Variants in CACNA1B observed in about 807,000 individuals in gnomAD.
The protein encoded by CACNA1B is calcium voltage-gated channel subunit alpha1 B.
A neutral mutation model predicts 247.2 loss-of-function variants in CACNA1B; 70 were observed. That is an observed-to-expected ratio of 0.28 (90% CI 0.23 to 0.35). CACNA1B has a LOEUF of 0.35. Among genes scored for constraint, CACNA1B ranks in the 10% least tolerant of loss-of-function variants. The pLI is 1.00. For missense variants in CACNA1B, 2,367 were observed against 3,197.4 expected (o/e 0.74, Z 6.26); for synonymous variants, 1,231 against 1,294.4 (o/e 0.95, Z 1.05).
At chr9:137,993,406 T>C (rs574860838) in intron 15 of CACNA1B, among the ~76,000 whole-genome samples, 1 of 152,328 alleles carries the variant, frequency 6.6e-6, no homozygotes, top group African/African-American at 2.4e-5. Context: ...AAAATTTTTA[T>C]TTTGTCTATC....
At chr9:137,958,083 C>T (rs1415160513) in intron 10 of CACNA1B, among the ~76,000 whole-genome samples, 1 of 152,174 alleles carries the variant, frequency 6.6e-6, no homozygotes, top group African/African-American at 2.4e-5. Context: ...GTGCCTGGGC[C>T]TTGCTTCATT....
At chr9:137,916,934 A>C (rs1469837109) in intron 5 of CACNA1B, among the ~76,000 whole-genome samples, 3 of 151,576 alleles carry the variant, frequency 2.0e-5, no homozygotes, top group African/African-American at 7.3e-5. Context: ...GGAGGTTAGG[A>C]GTTTGTTGTT....
At chr9:137,981,049 A>G (rs1958288184) in intron 12 of CACNA1B, among the ~76,000 whole-genome samples, 1 of 152,168 alleles carries the variant, frequency 6.6e-6, no homozygotes, top group Non-Finnish European at 1.5e-5. Flanking sequence ...TGGTAGTTCT[A>G]TTTTAGTTCT....
intron 3 of CACNA1B, among the ~76,000 whole-genome samples, chr9:137,893,868 T>A: frequency 6.6e-6 from 1 of 152,196 alleles, no homozygotes; most frequent in Non-Finnish European, 1.5e-5. Context: ...GAACAGCCCG[T>A]CCCGGGAGGG....
chr9:137,938,900 C>A (rs1301835842), intron 6 of CACNA1B, among the ~76,000 whole-genome samples: 1 of 152,100 alleles, frequency 6.6e-6, no homozygotes, highest in African/African-American at 2.4e-5. Flanking sequence ...TGGTGAAACC[C>A]TGTCTCTACT....
intron 42 of CACNA1B, among the ~76,000 whole-genome samples, chr9:138,116,187 CA>C (rs1233714045): frequency 2.0e-5 from 3 of 152,222 alleles, no homozygotes; most frequent in Non-Finnish European, 1.5e-5. Flanking sequence ...CCCTTTCTGT[CA>C]ATGGCCTTCT....
At position 138,049,227 on chromosome 9, in the gene CACNA1B, C is replaced by G. The variant is rs974906808; in HGVS notation, c.3622C>G (p.Leu1208Val). The G allele has an allele frequency of 4.3e-6, 7 of 1,611,492 alleles. No homozygotes were observed. The highest frequency in any genetic ancestry group is 5.1e-6 in the Non-Finnish European group (6 of 1,177,590). Reference sequence around the variant, plus strand: ...CTCCTAGATGATCGACTTGGGACTGCTGCTTCACCCTGGAGCCTATTTCCG... The same window carrying G: ...CTCCTAGATGATCGACTTGGGACTGGTGCTTCACCCTGGAGCCTATTTCCG... ...MVIKMIDLGL[L>V]LHPGAYFRDL... The change falls in exon 24 of 47, where the codon CTG (leucine) becomes GTG (valine). Residue 1208 changes from leucine (L) to valine (V), a missense_variant. Coordinates refer to ENST00000371372, the MANE Select transcript of CACNA1B (RefSeq NM_000718.4).
At chr9:137,878,274 G>T in intron 1 of CACNA1B, 57 bp downstream of exon 1, 2 of 1,147,246 alleles carry the variant, frequency 1.7e-6, no homozygotes, top group Middle Eastern at 3.3e-4. Context: ...GGGGGCCGGG[G>T]CCGGGGCCAT....
chr9:138,058,279 G>T lies in CACNA1B; in HGVS notation c.4308+29G>T. The T allele has an allele frequency of 1.9e-6, 3 of 1,549,426 alleles. No homozygotes were observed. Among genetic ancestry groups the T allele is most frequent in the Non-Finnish European group, 2.7e-6 (3 of 1,122,566 alleles). On this transcript the variant is annotated intron_variant, in intron 28 of 46. Transcript: ENST00000371372. This position sits in a 1 kb window ranked among gnomAD's most constrained non-coding sequence, Gnocchi z 4.7. Reference sequence around the variant, plus strand: ...GGTGGACGCTCTGTGGAGTCTTGCAGTGGACAGCGTGGGCAGCGCCATCAG... The same window carrying T: ...GGTGGACGCTCTGTGGAGTCTTGCATTGGACAGCGTGGGCAGCGCCATCAG...
chr9:138,120,496 G>T, intron 45 of CACNA1B, 124 bp downstream of exon 45: 1 of 1,370,908 alleles, frequency 7.3e-7, no homozygotes. Context: ...CCAGAGCAGG[G>T]TGGGACTGAG....
In CACNA1B at chr9:137,891,678, G is replaced by T; in HGVS notation, c.530+8795G>T. The T allele has an allele frequency of 4.0e-6, 1 of 249,212 alleles. No homozygotes were observed. 15.4% of individuals were successfully genotyped at this position (249,212 alleles called of 1,614,324 possible). A position where few individuals can be genotyped will look rare whatever the true frequency, so the allele number is the denominator to read the frequency against. ...GAGTTGCAGATTCACACTGAGGTGA[G>T]GATGGTTGCTAATGGCTTCTCGGGC... On this transcript the variant is annotated intron_variant, in intron 3 of 46. Transcript: ENST00000371372. This position sits in a 1 kb window ranked among gnomAD's most constrained non-coding sequence, Gnocchi z 4.3.
intron 5 of CACNA1B, among the ~76,000 whole-genome samples, chr9:137,915,350 A>G (rs1184376825): frequency 1.3e-5 from 2 of 152,224 alleles, no homozygotes; most frequent in Non-Finnish European, 2.9e-5. Flanking sequence ...GAAGATCTCA[A>G]TCCAGCAGAG....
At chr9:137,884,576 C>A (rs1179845797) in intron 3 of CACNA1B, among the ~76,000 whole-genome samples, 8 of 146,744 alleles carry the variant, frequency 5.5e-5, no homozygotes, top group Non-Finnish European at 1.2e-4. Context: ...GACAACGGTG[C>A]CTTATTTTTT....
intron 20 of CACNA1B, chr9:138,032,795 G>A: frequency 2.5e-6 from 1 of 396,970 alleles, no homozygotes; most frequent in Non-Finnish European, 4.9e-6. Context: ...ATCTCTTGCT[G>A]CTTTCAAGAT....
In CACNA1B at chr9:138,022,662, G is replaced by A. The variant is rs980333390; in HGVS notation, c.2268-349G>A. Reference sequence around the variant, plus strand: ...TTGTAACATGCCCTTCCCTCCCGCGGTGGCCTTCCTGGCCAGCCGCCCACC... The same window carrying A: ...TTGTAACATGCCCTTCCCTCCCGCGATGGCCTTCCTGGCCAGCCGCCCACC... On this transcript the variant is annotated intron_variant, in intron 18 of 46. Transcript: ENST00000371372. Among the ~76,000 whole-genome samples the A allele has an allele frequency of 6.6e-5, 10 of 152,252 alleles. No individual in the cohort carries two copies. In the East Asian group the frequency reaches 1.9e-3, roughly 30 times the overall value.
chr9:138,050,434 G>T lies in CACNA1B; in HGVS notation c.3710+1119G>T, dbSNP rs573387053. Among the ~76,000 whole-genome samples the T allele has an allele frequency of 6.6e-6, 1 of 152,220 alleles. No homozygotes were observed. Among genetic ancestry groups the T allele is most frequent in the African/African-American group, 2.4e-5 (1 of 41,460 alleles). ...ACAGCCCGAGGACCGGGGACATCGC[G>T]AGGCGCTCCCGGTGCAGCTCCTCTC... On this transcript the variant is annotated intron_variant, in intron 24 of 46. Coordinates refer to ENST00000371372, the MANE Select transcript of CACNA1B (RefSeq NM_000718.4). This position sits in a 1 kb window ranked among gnomAD's most constrained non-coding sequence, Gnocchi z 5.2.
At chr9:138,060,072 A>G (rs886197451) in intron 31 of CACNA1B, among the ~76,000 whole-genome samples, 6 of 152,242 alleles carry the variant, frequency 3.9e-5, no homozygotes, top group African/African-American at 1.4e-4. Flanking sequence ...TCAAAAATAT[A>G]TAAACTGAAA....
At chr9:138,017,661 C>T (rs1448753147) in intron 18 of CACNA1B, among the ~76,000 whole-genome samples, 1 of 152,222 alleles carries the variant, frequency 6.6e-6, no homozygotes, top group African/African-American at 2.4e-5. Flanking sequence ...CTGTGATTCT[C>T]AGGAAGTCCT....
intron 40 of CACNA1B, among the ~76,000 whole-genome samples, chr9:138,113,931 G>C (rs909215567): frequency 6.8e-6 from 1 of 148,044 alleles, no homozygotes; most frequent in Non-Finnish European, 1.5e-5. Context: ...ACTCCATCTT[G>C]TGGGAGACGT....
Sources: gnomAD v4.1 joint callset for allele counts (sites outside exome capture counted in the v4.1 genomes callset) on GRCh38, gnomAD v4.1.1 for gene constraint, Gnocchi (gnomAD v3.1) non-coding constraint, MANE v1.5 for transcripts, NCBI Gene and HGNC (gene_info 2026-07-23, HGNC 2026-07-21) for gene names.